MMS22L: variants seen among roughly 807,000 people sequenced by gnomAD.
The protein encoded by MMS22L is MMS22 like, DNA repair protein.
A neutral mutation model predicts 159.1 loss-of-function variants in MMS22L; 74 were observed. That is an observed-to-expected ratio of 0.47 (90% CI 0.39 to 0.56). The LOEUF is 0.56. Among genes scored for constraint, MMS22L ranks in the 20% least tolerant of loss-of-function variants. The pLI, the probability that MMS22L is intolerant of heterozygous loss-of-function variation, is 0.00. For missense variants in MMS22L, 1,351 were observed against 1,422.1 expected (o/e 0.95, Z 0.80); for synonymous variants, 517 against 506.9 (o/e 1.02, Z -0.27).
intron 20 of MMS22L, among the ~76,000 whole-genome samples, chr6:97,165,670 T>C (rs2128247096): frequency 6.6e-6 from 1 of 152,260 alleles, no homozygotes; most frequent in East Asian, 1.9e-4. Context: ...ACTAAGCATG[T>C]GTGTCTGAGG....
intron 14 of MMS22L, among the ~76,000 whole-genome samples, chr6:97,195,490 T>C (rs1219159867): frequency 2.0e-5 from 3 of 152,212 alleles, no homozygotes; most frequent in African/African-American, 7.2e-5. Context: ...ACTTTGATTA[T>C]AATAGAGAAT....
At chr6:97,194,355 C>T (rs373683879) in intron 14 of MMS22L, among the ~76,000 whole-genome samples, 10 of 152,186 alleles carry the variant, frequency 6.6e-5, no homozygotes, top group Non-Finnish European at 1.0e-4. Context: ...CATGCCCGGC[C>T]GAGGGTCTAC....
rs1554253274 is a variant in MMS22L at position 97,145,024 on chromosome 6, C to CCCCCCACA, written c.*1781_*1782insTGTGGGGG. On this transcript the variant is annotated 3_prime_UTR_variant, in exon 25 of 25. Transcript: ENST00000683635. ...TCAATCTCCTTTGGAAAAAAAAAAC[C>CCCCCCACA]CACACACACACACACACACACACAC... is the stretch of plus-strand genomic sequence containing the variant. The CCCCCCACA allele has an allele frequency of 8.9e-5, 6 of 67,554 alleles. No individual in the cohort carries two copies. In the East Asian group the frequency reaches 1.3e-3, roughly 15 times the overall value. 4.2% of individuals were successfully genotyped at this position (67,554 alleles called of 1,614,324 possible). A position where few individuals can be genotyped will look rare whatever the true frequency, so the allele number is the denominator to read the frequency against.
chr6:97,152,582 G>C (rs1345509353), intron 22 of MMS22L, among the ~76,000 whole-genome samples: 3 of 151,626 alleles, frequency 2.0e-5, no homozygotes, highest in African/African-American at 7.3e-5. Flanking sequence ...CTTTTTCCAA[G>C]AATAAAAAAA....
At chr6:97,184,833 C>A (rs555831099) in intron 15 of MMS22L, among the ~76,000 whole-genome samples, 2 of 152,216 alleles carry the variant, frequency 1.3e-5, no homozygotes, top group East Asian at 3.9e-4. Flanking sequence ...GGACTCTTAT[C>A]ACTCCTCTGC....
At chr6:97,268,087 C>A in intron 7 of MMS22L, 85 bp from the exon 8 acceptor site, 4 of 954,764 alleles carry the variant, frequency 4.2e-6, no homozygotes, top group East Asian at 3.1e-5. Context: ...TAAATTATAA[C>A]AAAACTAAAA....
At chr6:97,159,948 G>GTTTTTTTTTTTTTTTTTTTTTTTTTT (rs368455553) in intron 22 of MMS22L, among the ~76,000 whole-genome samples, 2 of 97,178 alleles carry the variant, frequency 2.1e-5, no homozygotes, top group Non-Finnish European at 3.9e-5. Context: ...TATCATTTCT[G>GTTTTTTTTTTTTTTTTTTTTTTTTTT]TTTTTTTTTT....
intron 11 of MMS22L, among the ~76,000 whole-genome samples, chr6:97,243,898 A>G (rs947628961): frequency 1.3e-5 from 2 of 152,020 alleles, no homozygotes; most frequent in African/African-American, 4.8e-5. Context: ...GGTGTCTGCA[A>G]AGAGTCCTGT....
intron 4 of MMS22L, among the ~76,000 whole-genome samples, chr6:97,275,600 C>T (rs1180849751): frequency 6.6e-6 from 1 of 152,048 alleles, no homozygotes; most frequent in Non-Finnish European, 1.5e-5. Context: ...TGGATGAAAA[C>T]AAGCATGAAG....
rs148939325 is a variant in MMS22L, at chr6:97,211,150, C to T, written c.2039+17744G>A. Among the ~76,000 whole-genome samples, 647 of 151,960 alleles carry T rather than the reference C, an allele frequency of 4.3e-3. 2 individuals carry two copies. The highest frequency in any genetic ancestry group is 0.014 in the African/African-American group (582 of 41,496). On this transcript the variant is annotated intron_variant, in intron 14 of 24. Coordinates refer to ENST00000683635, the MANE Select transcript of MMS22L (RefSeq NM_001350599.2). ...TTACATTGGAATTCCTCTTAGGAAA[C>T]CACAATTAAAAAACTGTTAGCTGTT...
chr6:97,260,740 C>T (rs965478809), intron 9 of MMS22L: 5 of 152,114 alleles, frequency 3.3e-5, no homozygotes, highest in African/African-American at 9.7e-5. Context: ...TAGTTTCATT[C>T]CATTCATTTT....
At chr6:97,179,667 T>A in intron 16 of MMS22L, 108 bp from the exon 17 acceptor site, 4 of 965,926 alleles carry the variant, frequency 4.1e-6, no homozygotes, top group Non-Finnish European at 5.6e-6. Flanking sequence ...CTTGGCCTCA[T>A]TGATTTTTCA....
intron 11 of MMS22L, among the ~76,000 whole-genome samples, chr6:97,237,151 G>A (rs1372918509): frequency 6.6e-6 from 1 of 152,106 alleles, no homozygotes; most frequent in Non-Finnish European, 1.5e-5. Flanking sequence ...AAGCTGTAGA[G>A]TATAACCATG....
intron 9 of MMS22L, chr6:97,259,098 T>C (rs1457312421): frequency 6.6e-6 from 1 of 152,190 alleles, no homozygotes; most frequent in Admixed American, 6.5e-5. Flanking sequence ...TTGTGCACAA[T>C]TGAACACATA....
At chr6:97,162,445 G>A (rs1446877179) in intron 21 of MMS22L, among the ~76,000 whole-genome samples, 1 of 151,782 alleles carries the variant, frequency 6.6e-6, no homozygotes, top group African/African-American at 2.4e-5. Context: ...AAATCCAAAT[G>A]AAAGCCTAAC....
intron 14 of MMS22L, among the ~76,000 whole-genome samples, chr6:97,193,353 T>G (rs1806094481): frequency 6.6e-6 from 1 of 152,116 alleles, no homozygotes; most frequent in Non-Finnish European, 1.5e-5. Context: ...AGGGGTGAAG[T>G]GCCTAAAATG....
intron 8 of MMS22L, chr6:97,265,268 C>T (rs539836412): frequency 5.6e-4 from 85 of 152,270 alleles, no homozygotes; most frequent in African/African-American, 2.0e-3. Context: ...AGGACAGCTT[C>T]TTCAATAAAC....
At chr6:97,187,401 G>A (rs995421640) in intron 14 of MMS22L, among the ~76,000 whole-genome samples, 1 of 152,158 alleles carries the variant, frequency 6.6e-6, no homozygotes, top group Admixed American at 6.5e-5. Flanking sequence ...TTACCAAAGA[G>A]AGGGAAATAA....
chr6:97,171,919 G>C (rs769485337), intron 19 of MMS22L, among the ~76,000 whole-genome samples: 12 of 151,906 alleles, frequency 7.9e-5, no homozygotes, highest in African/African-American at 2.7e-4. Flanking sequence ...CAAATAAATG[G>C]GCAACACTGT....
Sources: gnomAD v4.1 joint callset for allele counts (sites outside exome capture counted in the v4.1 genomes callset) on GRCh38, gnomAD v4.1.1 for gene constraint, MANE v1.5 for transcripts, NCBI Gene and HGNC (gene_info 2026-07-23, HGNC 2026-07-21) for gene names.